Variants in ADAMTS17 observed in about 807,000 individuals in gnomAD.
ADAMTS17 encodes ADAM metallopeptidase with thrombospondin type 1 motif 17, also known as A disintegrin and metalloproteinase with thrombospondin motifs 17.
Under a neutral mutation model 141.5 loss-of-function variants are expected in ADAMTS17, and 113 were observed. That is an observed-to-expected ratio of 0.80 (90% confidence interval 0.69 to 0.93). The LOEUF (loss-of-function observed/expected upper bound fraction) is 0.93, where lower values mean the gene tolerates loss of function less well. Ranked by LOEUF, ADAMTS17 falls within the 40% of genes least tolerant of loss-of-function variation. The probability of loss-of-function intolerance (pLI) is 0.00; values close to 1 mark genes in which losing one functional copy is unlikely to be tolerated. For synonymous variants in ADAMTS17, 768 were observed against 630.6 expected (o/e 1.22, Z -3.27); for missense variants, 1,659 against 1,517.9 (o/e 1.09, Z -1.54).
chr15:100,263,846 C>T (rs1159376828), intron 4 of ADAMTS17, among the ~76,000 whole-genome samples: 6 of 152,328 alleles, frequency 3.9e-5, no homozygotes, highest in South Asian at 2.1e-4. Flanking sequence ...GCTGTGTTCA[C>T]GCTATCAATA....
intron 18 of ADAMTS17, among the ~76,000 whole-genome samples, chr15:100,023,940 C>A (rs1048774780): frequency 6.6e-6 from 1 of 152,150 alleles, no homozygotes; most frequent in Non-Finnish European, 1.5e-5. Context: ...CAAAAAATAG[C>A]GAGAGAACCA....
intron 10 of ADAMTS17, among the ~76,000 whole-genome samples, chr15:100,140,902 G>A (rs2038611820): frequency 6.6e-6 from 1 of 152,124 alleles, no homozygotes; most frequent in African/African-American, 2.4e-5. Flanking sequence ...AAACACTGCT[G>A]GGCAGCACGT....
chr15:100,256,436 T>A (rs978427710), intron 6 of ADAMTS17: 1 of 152,164 alleles, frequency 6.6e-6, no homozygotes, highest in Admixed American at 6.5e-5. Flanking sequence ...CTTAATACAT[T>A]CGTTTATTAA....
chr15:100,005,294 C>T, intron 18 of ADAMTS17, among the ~76,000 whole-genome samples: 1 of 152,170 alleles, frequency 6.6e-6, no homozygotes, highest in East Asian at 1.9e-4. Context: ...CAAAATAACA[C>T]AGATTTATTA....
At chr15:100,239,711 C>G (rs2042770678) in intron 7 of ADAMTS17, among the ~76,000 whole-genome samples, 3 of 152,294 alleles carry the variant, frequency 2.0e-5, no homozygotes, top group Middle Eastern at 6.8e-3. Context: ...GGAGCACAGT[C>G]CAGGGCACTT....
chr15:100,150,395 C>T (rs968767055), intron 10 of ADAMTS17, among the ~76,000 whole-genome samples: 2 of 152,178 alleles, frequency 1.3e-5, no homozygotes, highest in Admixed American at 6.5e-5. Flanking sequence ...CGCTTTCCAG[C>T]CCACCCCTTT....
chr15:100,071,056 C>T (rs192624556), intron 15 of ADAMTS17, among the ~76,000 whole-genome samples: 7 of 149,676 alleles, frequency 4.7e-5, no homozygotes, highest in African/African-American at 9.9e-5. Context: ...AATGATAAAG[C>T]AGATATCACC....
chr15:100,302,020 G>C (rs2045057496), intron 3 of ADAMTS17, among the ~76,000 whole-genome samples: 1 of 152,106 alleles, frequency 6.6e-6, no homozygotes, highest in Non-Finnish European at 1.5e-5. Flanking sequence ...TTTTAGAACA[G>C]TTGCATCACC....
rs184234570 is a variant in ADAMTS17 at position 100,170,142 on chromosome 15, G to A, written c.1182-14822C>T. Among the ~76,000 whole-genome samples, 196 of 152,242 alleles carry A rather than the reference G, an allele frequency of 1.3e-3. 1 individual carries two copies. Among genetic ancestry groups the A allele is most frequent in the Admixed American group, 3.6e-3 (55 of 15,290 alleles). ...TCCACATGGGCTTGGGAACGATGGCGGGGGGCATGGGGTGGGGGTAGAGAA... is the reference window on the plus strand; with the variant it reads ...TCCACATGGGCTTGGGAACGATGGCAGGGGGCATGGGGTGGGGGTAGAGAA... On this transcript the variant is annotated intron_variant, in intron 8 of 21. Coordinates refer to ENST00000268070, the MANE Select transcript of ADAMTS17 (RefSeq NM_139057.4).
intron 20 of ADAMTS17, among the ~76,000 whole-genome samples, chr15:99,977,336 C>T (rs117141943): frequency 0.017 from 1,802 of 103,976 alleles, 41 homozygotes; most frequent in Middle Eastern, 0.041. Context: ...TTCTGTTCTC[C>T]GTCCCTCCTC....
chr15:100,275,639 G>C (rs2044055713), intron 4 of ADAMTS17, among the ~76,000 whole-genome samples: 1 of 152,122 alleles, frequency 6.6e-6, no homozygotes, highest in African/African-American at 2.4e-5. Flanking sequence ...CCCTGGCTGT[G>C]TCACGTCCCC....
chr15:100,073,890 T>C (rs1392054935), intron 15 of ADAMTS17, among the ~76,000 whole-genome samples: 1 of 137,330 alleles, frequency 7.3e-6, no homozygotes, highest in African/African-American at 2.6e-5. Context: ...GTTGTGCACA[T>C]GTACCCTAAA....
intron 9 of ADAMTS17, among the ~76,000 whole-genome samples, chr15:100,153,217 G>C (rs1166579197): frequency 6.6e-6 from 1 of 152,144 alleles, no homozygotes; most frequent in Non-Finnish European, 1.5e-5. Flanking sequence ...TTCTTTTCGA[G>C]TGCTTGTGGG....
intron 18 of ADAMTS17, among the ~76,000 whole-genome samples, chr15:100,016,830 G>A (rs969214312): frequency 6.6e-6 from 1 of 152,168 alleles, no homozygotes; most frequent in African/African-American, 2.4e-5. Context: ...TTCTATTTTT[G>A]TGCTGGTTGG....
At chr15:100,294,649 T>C (rs556366389) in intron 3 of ADAMTS17, among the ~76,000 whole-genome samples, 2 of 151,864 alleles carry the variant, frequency 1.3e-5, no homozygotes, top group East Asian at 1.9e-4. Flanking sequence ...TGATGATGCA[T>C]TGAGCCATGA....
chr15:100,103,927 G>A (rs1002699674), intron 14 of ADAMTS17, among the ~76,000 whole-genome samples: 1 of 152,174 alleles, frequency 6.6e-6, no homozygotes, highest in Non-Finnish European at 1.5e-5. Context: ...GTATAGGGAA[G>A]CACAGGTTAA....
intron 7 of ADAMTS17, among the ~76,000 whole-genome samples, chr15:100,248,904 T>C (rs8024667): frequency 0.032 from 4,790 of 152,000 alleles, 260 homozygotes; most frequent in African/African-American, 0.11. Context: ...GTTCTAATGA[T>C]TGTCCTGTCG....
At chr15:100,096,208 C>CT in intron 15 of ADAMTS17, 148 bp downstream of exon 15, 2 of 1,405,456 alleles carry the variant, frequency 1.4e-6, no homozygotes, top group Middle Eastern at 5.1e-4. Flanking sequence ...TCCTTTCTTG[C>CT]TTTTCAGAAA....
chr15:100,153,250 C>T (rs768493870), intron 9 of ADAMTS17, among the ~76,000 whole-genome samples: 4 of 152,174 alleles, frequency 2.6e-5, no homozygotes, highest in East Asian at 1.9e-4. Context: ...CACTTGACCA[C>T]GCTATCCCTG....
Sources: allele counts gnomAD v4.1 joint callset (sites outside exome capture counted in the v4.1 genomes callset), GRCh38; gene constraint gnomAD v4.1.1; transcripts MANE v1.5; gene names NCBI Gene and HGNC (gene_info 2026-07-23, HGNC 2026-07-21).